The following TAMM41 variants were observed in gnomAD, a reference collection of about 807,000 sequenced individuals.
TAMM41 encodes the protein TAM41 mitochondrial translocator assembly and maintenance homolog, also known as phosphatidate cytidylyltransferase, mitochondrial.
In TAMM41, 36 loss-of-function variants were observed where a neutral mutation model predicts 44.1. The ratio of observed to expected loss-of-function variants is 0.82; its 90% CI spans 0.63 to 1.08. TAMM41 has a LOEUF of 1.08. TAMM41 is among the 50% of genes least tolerant of loss of function. The probability of loss-of-function intolerance (pLI) is 0.00; values close to 1 mark genes in which losing one functional copy is unlikely to be tolerated. For missense variants in TAMM41, 417 were observed against 404.3 expected, an observed-to-expected ratio of 1.03 and a Z score of -0.27; for synonymous variants, 164 against 153.1, an observed-to-expected ratio of 1.07 and a Z score of -0.53.
chr3:11,760,654 G>A, the TAMM41 span, among the ~76,000 whole-genome samples: 47 of 151,968 alleles, frequency 3.1e-4, no homozygotes, highest in African/African-American at 1.1e-3. Flanking sequence ...TCCACCTCCC[G>A]GGCTTAAGCG....
chr3:11,818,796 G>GCT (rs757233940), intron 4 of TAMM41, among the ~76,000 whole-genome samples: 150,854 of 150,856 alleles, frequency 1, 75,426 homozygotes, highest in Non-Finnish European at 1. Context: ...TACTTGGGGG[G>GCT]GGGCCGCAGG....
the TAMM41 span, among the ~76,000 whole-genome samples, chr3:11,765,964 G>C: frequency 6.6e-6 from 1 of 152,060 alleles, no homozygotes; most frequent in Admixed American, 6.6e-5. Context: ...AGCCTTTAAA[G>C]TGCTGGGATT....
At chr3:11,767,625 C>CCTTTTTTTTTTTTTTT in the TAMM41 span, among the ~76,000 whole-genome samples, 4 of 27,908 alleles carry the variant, frequency 1.4e-4, no homozygotes, top group African/African-American at 5.5e-4. Flanking sequence ...ACACGTTGTG[C>CCTTTTTTTTTTTTTTT]ATTTTTTTTT....
At chr3:11,758,146 C>A in the TAMM41 span, among the ~76,000 whole-genome samples, 6 of 152,134 alleles carry the variant, frequency 3.9e-5, no homozygotes, top group Non-Finnish European at 8.8e-5. Context: ...GACAGCAAAG[C>A]CCCAGGAATG....
the TAMM41 span, among the ~76,000 whole-genome samples, chr3:11,751,089 C>CTT: frequency 0.16 from 20,390 of 130,054 alleles, 1,780 homozygotes; most frequent in East Asian, 0.18. Context: ...ACAGATGATA[C>CTT]TTTTTTTTTT....
At position 11,819,236 on chromosome 3, in the gene TAMM41, A is replaced by G. The variant is rs377545196; in HGVS notation, c.563-1899T>C. On this transcript the variant is annotated intron_variant, in intron 4 of 7. Coordinates refer to ENST00000455809, the MANE Select transcript of TAMM41 (RefSeq NM_001284401.2). ...AGCCAGAAACACAGAGTAAGACAGA[A>G]ACACACAGGTAACGTTTACCGAGCA... Among the ~76,000 whole-genome samples the G allele has an allele frequency of 1.5e-4, 23 of 152,290 alleles. No homozygotes were observed. The South Asian group carries it at 4.6e-3, about 30-fold the overall frequency.
At chr3:11,790,642 T>G in intron 7 of TAMM41, 61 bp from the exon 8 acceptor site, 3 of 1,406,522 alleles carry the variant, frequency 2.1e-6, no homozygotes, top group Non-Finnish European at 3.0e-6. Flanking sequence ...TGCTCAGAGT[T>G]TCAGTGACAT....
chr3:11,757,053 C>A, the TAMM41 span, among the ~76,000 whole-genome samples: 1 of 152,000 alleles, frequency 6.6e-6, no homozygotes, highest in Non-Finnish European at 1.5e-5. Flanking sequence ...ATTTAATTAA[C>A]CTTTGCAAAC....
chr3:11,732,750 A>G, the TAMM41 span, among the ~76,000 whole-genome samples: 1 of 152,132 alleles, frequency 6.6e-6, no homozygotes, highest in Non-Finnish European at 1.5e-5. Flanking sequence ...ATCTAGGGGA[A>G]AAAGATTTCC....
At chr3:11,744,096 T>C in the TAMM41 span, among the ~76,000 whole-genome samples, 1 of 152,080 alleles carries the variant, frequency 6.6e-6, no homozygotes, top group African/African-American at 2.4e-5. Context: ...AGATGGAGTT[T>C]TTGCTGTATT....
chr3:11,737,199 G>A, the TAMM41 span, among the ~76,000 whole-genome samples: 1 of 151,762 alleles, frequency 6.6e-6, no homozygotes, highest in Non-Finnish European at 1.5e-5. Flanking sequence ...CTATAACCCA[G>A]AACCCTGGCT....
At chr3:11,818,771 G>A (rs1044145967) in intron 4 of TAMM41, among the ~76,000 whole-genome samples, 1 of 151,632 alleles carries the variant, frequency 6.6e-6, no homozygotes, top group African/African-American at 2.4e-5. Flanking sequence ...GGTGGCAGGC[G>A]CCTGTAGTCC....
the TAMM41 span, among the ~76,000 whole-genome samples, chr3:11,741,434 C>G: frequency 6.7e-6 from 1 of 149,342 alleles, no homozygotes; most frequent in African/African-American, 2.6e-5. Context: ...GTCCCCACCT[C>G]TTAATACCAT....
chr3:11,846,746 TCGAGGGACA>T lies in TAMM41; in HGVS notation c.-119_-111del. On this transcript the variant is annotated 5_prime_UTR_variant, in exon 1 of 8. Transcript: ENST00000455809. ...TGGGAAATGGAAGTCGGAGACTGGA[TCGAGGGACA>T]CAAGGCTGAGTGTGGGGTGGGACTG... 7.1e-7 allele frequency: 1 copy of T among 1,400,274 alleles called. No individual in the cohort carries two copies. The highest frequency in any genetic ancestry group is 9.9e-7 in the Non-Finnish European group (1 of 1,011,826). The allele number at this position is 1,400,274 out of a possible 1,614,324, so 86.7% of individuals were successfully genotyped here. A position where few individuals can be genotyped will look rare whatever the true frequency, so the allele number is the denominator to read the frequency against.
At chr3:11,807,593 C>A (rs1559278880) in intron 7 of TAMM41, 1 of 1,536,132 alleles carries the variant, frequency 6.5e-7, no homozygotes, top group South Asian at 1.2e-5. Context: ...GGAAGTGTCT[C>A]AGAAAATTCA....
intron 4 of TAMM41, among the ~76,000 whole-genome samples, chr3:11,821,669 T>C (rs887058370): frequency 4.6e-5 from 7 of 152,220 alleles, no homozygotes; most frequent in African/African-American, 9.6e-5. Flanking sequence ...GTATATAGCA[T>C]AGTCGAAGGA....
the TAMM41 span, among the ~76,000 whole-genome samples, chr3:11,778,537 A>G: frequency 6.6e-6 from 1 of 152,118 alleles, no homozygotes; most frequent in Non-Finnish European, 1.5e-5. Flanking sequence ...CAACTGCCCC[A>G]CTTCACATTC....
intron 3 of TAMM41, among the ~76,000 whole-genome samples, chr3:11,836,189 C>A (rs1306313090): frequency 6.6e-6 from 1 of 151,886 alleles, no homozygotes; most frequent in Non-Finnish European, 1.5e-5. Flanking sequence ...TGGGGTTTTG[C>A]CATGTTGTCC....
At chr3:11,776,016 ATT>A in the TAMM41 span, among the ~76,000 whole-genome samples, 163 of 130,942 alleles carry the variant, frequency 1.2e-3, no homozygotes, top group South Asian at 2.5e-3. Context: ...TAATTAATTA[ATT>A]TTTTTTTTTT....
Sources: allele counts gnomAD v4.1 joint callset (sites outside exome capture counted in the v4.1 genomes callset), GRCh38; gene constraint gnomAD v4.1.1; transcripts MANE v1.5; gene names NCBI Gene and HGNC (gene_info 2026-07-23, HGNC 2026-07-21).